Variants in VRK2 observed in about 807,000 individuals in gnomAD.
The protein encoded by VRK2 is serine/threonine-protein kinase VRK2.
Under a neutral mutation model 57.6 loss-of-function variants are expected in VRK2, and 60 were observed. That is an observed-to-expected ratio of 1.04 (90% CI 0.85 to 1.29). The LOEUF (loss-of-function observed/expected upper bound fraction) is 1.29, where lower values mean the gene tolerates loss of function less well. Ranked by LOEUF, VRK2 falls within the 50% of genes most tolerant of loss-of-function variation. The pLI, the probability that VRK2 is intolerant of heterozygous loss-of-function variation, is 0.00. For missense variants in VRK2, 705 were observed against 588.1 expected, an observed-to-expected ratio of 1.20 and a Z score of -2.06; for synonymous variants, 231 against 199.2, an observed-to-expected ratio of 1.16 and a Z score of -1.35.
intron 1 of VRK2, among the ~76,000 whole-genome samples, chr2:58,019,903 T>C (rs1673698007): frequency 6.6e-6 from 1 of 152,020 alleles, no homozygotes; most frequent in African/African-American, 2.4e-5. Context: ...CGAATACAAA[T>C]ACACATATGA....
intron 1 of VRK2, among the ~76,000 whole-genome samples, chr2:57,924,031 C>T (rs1340508090): frequency 6.6e-6 from 1 of 151,612 alleles, no homozygotes; most frequent in African/African-American, 2.4e-5. Context: ...TGAGTCTATT[C>T]TAGATGTGTG....
intron 3 of VRK2, chr2:58,040,921 G>A: frequency 1.7e-6 from 1 of 601,640 alleles, no homozygotes; most frequent in Non-Finnish European, 2.1e-6. Context: ...TGACTTACAT[G>A]ACACACAGGA....
intron 1 of VRK2, among the ~76,000 whole-genome samples, chr2:58,008,233 G>C (rs10168038): frequency 0.086 from 13,080 of 151,838 alleles, 1,970 homozygotes; most frequent in African/African-American, 0.3. Context: ...GGTCAAATAA[G>C]ATCTATATAG....
intron 1 of VRK2, among the ~76,000 whole-genome samples, chr2:58,017,417 C>T (rs1257407069): frequency 6.6e-6 from 1 of 152,226 alleles, no homozygotes; most frequent in African/African-American, 2.4e-5. Context: ...GGCAAACTTC[C>T]TCCATCATAA....
At chr2:58,016,313 T>C (rs571076309) in intron 1 of VRK2, among the ~76,000 whole-genome samples, 1 of 152,032 alleles carries the variant, frequency 6.6e-6, no homozygotes, top group African/African-American at 2.4e-5. Context: ...TTGCAGAATG[T>C]CTAATTTGCA....
intron 2 of VRK2, among the ~76,000 whole-genome samples, chr2:58,049,410 T>C (rs561341680): frequency 4.1e-4 from 63 of 152,186 alleles, no homozygotes; most frequent in Non-Finnish European, 5.0e-4. Context: ...ACTTAAGGCA[T>C]CTATTCTGTG....
chr2:58,057,262 A>G (rs1004234695), intron 2 of VRK2, among the ~76,000 whole-genome samples: 8 of 152,168 alleles, frequency 5.3e-5, no homozygotes, highest in Non-Finnish European at 7.4e-5. Flanking sequence ...GCTCTATCCT[A>G]TATGTGACCT....
At chr2:58,088,630 C>A (rs1293951310) in intron 6 of VRK2, among the ~76,000 whole-genome samples, 184 bp downstream of exon 6, 1 of 152,150 alleles carries the variant, frequency 6.6e-6, no homozygotes, top group Non-Finnish European at 1.5e-5. Context: ...ACAGAATGTG[C>A]TGTGTATGGC....
At chr2:57,977,293 A>G (rs1188432438) in intron 1 of VRK2, among the ~76,000 whole-genome samples, 5 of 152,138 alleles carry the variant, frequency 3.3e-5, no homozygotes, top group Non-Finnish European at 5.9e-5. Context: ...TATTAAATCT[A>G]TAAATTGCTT....
In VRK2 at chr2:58,141,990, A is replaced by C. The variant is rs753479850; in HGVS notation, c.1023+2158A>C. On this transcript the variant is annotated intron_variant, in intron 11 of 12. Coordinates refer to ENST00000340157, the MANE Select transcript of VRK2 (RefSeq NM_006296.7). ...TTACTTTATAAATGGGTTTATAGTT[A>C]TATGTAGTTAAGTATTTAGTTATAG... Among the ~76,000 whole-genome samples the C allele has an allele frequency of 3.9e-5, 6 of 151,978 alleles. No homozygotes were observed. The South Asian group carries it at 1.2e-3, about 31-fold the overall frequency.
Position 58,159,416 on chromosome 2 carries a change from C to T in VRK2, c.1250C>T (p.Pro417Leu). ...QEPLNEVNSF[P>L]QKISYTQFPN... is the part of the protein sequence containing the mutation. ...CCTTTGAATGAAGTAAACAGTTTCC[C>T]ACAAAAAATCAGCTATACACAATTC... Residue 417 changes from proline to leucine, a missense_variant, in exon 13 of 13, where the codon CCA becomes CTA. By Grantham distance (98) the Pro-to-Leu change is moderately conservative. Coordinates refer to ENST00000340157, the MANE Select transcript of VRK2 (RefSeq NM_006296.7). 6.2e-7 allele frequency: 1 copy of T among 1,613,376 alleles called. No homozygotes were observed. The highest frequency in any genetic ancestry group is 8.5e-7 in the Non-Finnish European group (1 of 1,179,646).
At chr2:58,147,760 A>G (rs758718467) in intron 12 of VRK2, among the ~76,000 whole-genome samples, 4 of 148,486 alleles carry the variant, frequency 2.7e-5, no homozygotes, top group Non-Finnish European at 4.5e-5. Context: ...ATGCAGTCAT[A>G]TAGTATGCAT....
chr2:58,154,085 A>C (rs116311388), intron 12 of VRK2, among the ~76,000 whole-genome samples: 19 of 152,116 alleles, frequency 1.2e-4, no homozygotes, highest in African/African-American at 4.6e-4. Context: ...TTGTTGGTAT[A>C]ATTATTCATA....
chr2:58,082,887 G>A (rs1211188123), intron 2 of VRK2, among the ~76,000 whole-genome samples: 1 of 151,666 alleles, frequency 6.6e-6, no homozygotes, highest in African/African-American at 2.4e-5. Flanking sequence ...TTAAAAAATT[G>A]TGTATGATTG....
At chr2:58,071,531 A>G (rs921595276) in intron 2 of VRK2, among the ~76,000 whole-genome samples, 8 of 152,142 alleles carry the variant, frequency 5.3e-5, no homozygotes, top group Admixed American at 5.2e-4. Context: ...TCCTAGTACC[A>G]TTTACTGAAA....
At chr2:58,016,685 C>T (rs1025589097) in intron 1 of VRK2, among the ~76,000 whole-genome samples, 1 of 152,164 alleles carries the variant, frequency 6.6e-6, no homozygotes. Flanking sequence ...CAGTGTTTTG[C>T]ATCTAAATGC....
At chr2:58,087,134 A>C (rs1220211769) in intron 5 of VRK2, among the ~76,000 whole-genome samples, 1 of 152,140 alleles carries the variant, frequency 6.6e-6, no homozygotes, top group African/African-American at 2.4e-5. Context: ...TTTTATATTT[A>C]CCCTTTTGTG....
intron 1 of VRK2, among the ~76,000 whole-genome samples, chr2:57,960,926 C>A (rs1015402230): frequency 1.3e-5 from 2 of 152,210 alleles, no homozygotes; most frequent in African/African-American, 2.4e-5. Flanking sequence ...GTAACCATTT[C>A]TGTTACCAGC....
At chr2:58,016,280 GAT>G (rs1673579099) in intron 1 of VRK2, among the ~76,000 whole-genome samples, 1 of 152,050 alleles carries the variant, frequency 6.6e-6, no homozygotes, top group African/African-American at 2.4e-5. Context: ...AATTATTATT[GAT>G]AGTGTTTTAA....
Sources: allele counts gnomAD v4.1 joint callset (sites outside exome capture counted in the v4.1 genomes callset), GRCh38; gene constraint gnomAD v4.1.1; transcripts MANE v1.5; gene names NCBI Gene and HGNC (gene_info 2026-07-23, HGNC 2026-07-21).